HENMT1: variants seen among roughly 807,000 people sequenced by gnomAD.
The protein encoded by HENMT1 is small RNA 2'-O-methyltransferase.
A neutral mutation model predicts 31.1 loss-of-function variants in HENMT1; 27 were observed. The observed-to-expected ratio is 0.87, with a 90% CI of 0.64 to 1.20. HENMT1 has a LOEUF of 1.20. HENMT1 is among the 50% of genes most tolerant of loss of function. The pLI, the probability that HENMT1 is intolerant of heterozygous loss-of-function variation, is 0.00. For missense variants in HENMT1, 438 were observed against 469.6 expected (o/e 0.93, Z 0.62); for synonymous variants, 167 against 172.2 (o/e 0.97, Z 0.24).
rs146791171 is a variant in HENMT1 at position 108,654,886 on chromosome 1, T to C, written c.264-36A>G. On this transcript the variant is annotated intron_variant, in intron 4 of 7. Transcript: ENST00000651461. ...ATTATTGAAGAAACTTTCTGAACAT[T>C]ATCTATTTAAAAATTCTCACCAGCT... The C allele has an allele frequency of 9.4e-4, 1,517 of 1,607,794 alleles. 29 individuals carry two copies. In the East Asian group the frequency reaches 0.03, roughly 32 times the overall value.
At chr1:108,660,274 C>T (rs1015200781) in intron 1 of HENMT1, among the ~76,000 whole-genome samples, 1 of 152,134 alleles carries the variant, frequency 6.6e-6, no homozygotes, top group Non-Finnish European at 1.5e-5. Flanking sequence ...CATTCGCAAA[C>T]AGGCTCAGAA....
chr1:108,655,848 T>C (rs1570636529), intron 3 of HENMT1, 150 bp from the exon 4 acceptor site: 3 of 233,942 alleles, frequency 1.3e-5, no homozygotes, highest in African/African-American at 2.5e-5. Flanking sequence ...CAGAAGATGC[T>C]ACACACACAC....
At chr1:108,661,120 G>A, upstream of HENMT1, 1 of 496,408 alleles carries the variant, frequency 2.0e-6, no homozygotes, top group Non-Finnish European at 2.6e-6. Flanking sequence ...GCTGCGTGAC[G>A]CTACCGCCGC....
chr1:108,657,800 A>G (rs1329967517), intron 2 of HENMT1, among the ~76,000 whole-genome samples: 1 of 152,082 alleles, frequency 6.6e-6, no homozygotes, highest in East Asian at 1.9e-4. Flanking sequence ...ATCTAGCTGT[A>G]TGCTCCCTAT....
chr1:108,661,130 C>T (rs1658461587), upstream of HENMT1: 2 of 394,142 alleles, frequency 5.1e-6, no homozygotes, highest in Non-Finnish European at 6.9e-6. Flanking sequence ...GCTACCGCCG[C>T]GGCTACGCCG....
Position 108,651,517 on chromosome 1 carries a change from T to C in HENMT1, c.399-308A>G, listed in dbSNP as rs1038497343. 7.5e-5 allele frequency: 16 copies of C among 213,026 alleles called. No homozygotes were observed. In the East Asian group the frequency reaches 1.9e-3, roughly 26 times the overall value. 13.2% of individuals were successfully genotyped at this position (213,026 alleles called of 1,614,324 possible). A position where few individuals can be genotyped will look rare whatever the true frequency, so the allele number is the denominator to read the frequency against. ...AAATTTTGCTGGGTGTGGTGGTGCA[T>C]GCCTGTAATCCCAGCTACTCGGGAG... On this transcript the variant is annotated intron_variant, in intron 5 of 7. Transcript: ENST00000651461.
At chr1:108,658,108 C>T (rs1449101146) in intron 2 of HENMT1, among the ~76,000 whole-genome samples, 3 of 135,240 alleles carry the variant, frequency 2.2e-5, no homozygotes, top group Non-Finnish European at 5.1e-5. Context: ...TATACACACA[C>T]ACACACACAC....
At position 108,657,508 on chromosome 1, in the gene HENMT1, T is replaced by G; in HGVS notation, c.93A>C (p.Leu31=). ...RETAIQFKPP[L]YRQRYQFVKN... ...TAACGAACTGGTACCGCTGTCTGTA[T>G]AGTGGAGGTTTAAACTGAATTGCCG... Residue 31 remains leucine, a synonymous_variant, in exon 3 of 8, where the codon CTA becomes CTC. Coordinates refer to ENST00000651461, the MANE Select transcript of HENMT1 (RefSeq NM_001102592.2). 1 of 1,611,380 alleles carries G rather than the reference T, an allele frequency of 6.2e-7. No homozygotes were observed. The highest frequency in any genetic ancestry group is 8.5e-7 in the Non-Finnish European group (1 of 1,177,512).
chr1:108,650,947 TA>T, intron 6 of HENMT1, 82 bp downstream of exon 6: 4 of 894,758 alleles, frequency 4.5e-6, no homozygotes, highest in Non-Finnish European at 7.0e-6. Flanking sequence ...ACAATTTAGG[TA>T]ATGTATGTAT....
chr1:108,650,407 C>T lies in HENMT1; in HGVS notation c.579-19G>A. ...TAAAGCCCTGAAACCAAAACGAGGA[C>T]AGCAATCATTTTTCTAAATGTAGAG... is the stretch of plus-strand genomic sequence containing the variant. On this transcript the variant is annotated intron_variant, in intron 6 of 7. Transcript: ENST00000651461. 6.3e-7 allele frequency: 1 copy of T among 1,597,518 alleles called. No individual in the cohort carries two copies.
Position 108,648,859 on chromosome 1 carries a change from G to A in HENMT1, c.889C>T (p.Arg297Trp), listed in dbSNP as rs140991391. 1.2e-5 allele frequency: 19 copies of A among 1,614,144 alleles called. No individual in the cohort carries two copies. The highest frequency in any genetic ancestry group is 1.4e-5 in the Non-Finnish European group (16 of 1,180,026). The change falls in exon 8 of 8, where the codon CGG becomes TGG. Residue 297 changes from arginine to tryptophan, a missense_variant. Coordinates refer to ENST00000651461, the MANE Select transcript of HENMT1 (RefSeq NM_001102592.2). ...LPRRKEQAGE[R>W]GDKPKDIGGS... is the part of the protein sequence containing the mutation. ...CCAATGTCTTTGGGCTTATCACCCCGTTCCCCAGCCTGTTCTTTCCGCCTT... is the reference window on the plus strand; with the variant it reads ...CCAATGTCTTTGGGCTTATCACCCCATTCCCCAGCCTGTTCTTTCCGCCTT...
intron 2 of HENMT1, among the ~76,000 whole-genome samples, chr1:108,658,237 A>G (rs1220977679): frequency 6.6e-6 from 1 of 151,624 alleles, no homozygotes; most frequent in Non-Finnish European, 1.5e-5. Context: ...AATTCAAGCA[A>G]TTCTCCTGCC....
intron 1 of HENMT1, among the ~76,000 whole-genome samples, 158 bp from the exon 2 acceptor site, chr1:108,660,120 T>G (rs1285734643): frequency 3.3e-5 from 1 of 30,570 alleles, no homozygotes; most frequent in Non-Finnish European, 7.2e-5. Flanking sequence ...CTCTGAGTAC[T>G]CAAAAAAAAA....
rs752974170 is a variant in HENMT1, at chr1:108,655,596, G to A, written c.253C>T (p.Arg85Ter). ...VGVDINEDKLRWRGDSLAPFL... is the reference protein window; with the variant it reads ...VGVDINEDKL ...GAAACTAAGTATTACCCTCTCCATC[G>A]TAATTTATCCTCATTAATATCTACT... is the stretch of plus-strand genomic sequence containing the variant. Residue 85 changes from arginine to a stop codon, truncating the protein, a stop_gained, in exon 4 of 8, where the codon CGA becomes TGA. Transcript: ENST00000651461. LOFTEE classifies it high-confidence loss of function. 1.3e-5 allele frequency: 20 copies of A among 1,584,138 alleles called. No homozygotes were observed. Among genetic ancestry groups the A allele is most frequent in the Admixed American group, 3.4e-5 (2 of 58,158 alleles).
At chr1:108,659,387 G>C (rs1278177056) in intron 2 of HENMT1, among the ~76,000 whole-genome samples, 3 of 151,894 alleles carry the variant, frequency 2.0e-5, no homozygotes, top group African/African-American at 2.4e-5. Context: ...ATTAAAGTTC[G>C]GTTCCTCAAT....
At position 108,659,868 on chromosome 1, in the gene HENMT1, AG is replaced by A. The variant is rs765107121; in HGVS notation, c.16del (p.Leu6TyrfsTer37). The A allele has an allele frequency of 1.3e-6, 2 of 1,571,628 alleles. No individual in the cohort carries two copies. Among genetic ancestry groups the A allele is most frequent in the African/African-American group, 2.7e-5 (2 of 73,248 alleles). The stretch of plus-strand genomic sequence containing the variant: ...AGCTAAGAAGGGTGGCATTACCTGT[AG>A]ATTATTTTCTTCCATTTTGTTTCGA... MEENN[L>X]QCSSVVDGNF... On this transcript the variant is annotated frameshift_variant, in exon 2 of 8. Coordinates refer to ENST00000651461, the MANE Select transcript of HENMT1 (RefSeq NM_001102592.2). LOFTEE classifies it high-confidence loss of function.
chr1:108,661,377 C>T (rs1658478919), upstream of HENMT1: 1 of 152,298 alleles, frequency 6.6e-6, no homozygotes, highest in African/African-American at 2.4e-5. Context: ...GCCGTTGACC[C>T]CGCTAGCGTG....
In HENMT1 at chr1:108,648,709, G is replaced by C; in HGVS notation, c.1039C>G (p.Leu347Val). The C allele has an allele frequency of 6.2e-7, 1 of 1,614,198 alleles. No homozygotes were observed. The highest frequency in any genetic ancestry group is 8.5e-7 in the Non-Finnish European group (1 of 1,180,040). Residue 347 changes from leucine (L) to valine (V), a missense_variant, in exon 8 of 8, where the codon CTT (leucine) becomes GTT (valine). Coordinates refer to ENST00000651461, the MANE Select transcript of HENMT1 (RefSeq NM_001102592.2). ...DKFFVPLQRL[L>V]AYPKLNRLCA... ...AAGCGGTTCAACTTGGGATACGCAA[G>C]GAGTCTCTGCAGAGGTACGAAAAAT...
At chr1:108,650,096 C>T (rs1468021077) in intron 7 of HENMT1, 115 bp downstream of exon 7, 3 of 945,562 alleles carry the variant, frequency 3.2e-6, no homozygotes, top group South Asian at 2.6e-5. Context: ...CTAGAGTGAA[C>T]CACAAAGCAA....
Sources: allele counts gnomAD v4.1 joint callset (sites outside exome capture counted in the v4.1 genomes callset), GRCh38; gene constraint gnomAD v4.1.1; transcripts MANE v1.5; gene names NCBI Gene and HGNC (gene_info 2026-07-23, HGNC 2026-07-21).